Variants in ELF3 observed in about 807,000 individuals in gnomAD.
The protein encoded by ELF3 is E74 like ETS transcription factor 3.
Under a neutral mutation model 43.9 loss-of-function variants are expected in ELF3, and 18 were observed. The ratio of observed to expected loss-of-function variants is 0.41; its 90% CI spans 0.28 to 0.61. ELF3 has a LOEUF of 0.61. ELF3 is among the 20% of genes least tolerant of loss of function. ELF3 has a pLI of 0.30. For missense variants in ELF3, 373 were observed against 487.7 expected (o/e 0.76, Z 2.21); for synonymous variants, 181 against 190.2 (o/e 0.95, Z 0.40).
At position 202,011,143 on chromosome 1, in the gene ELF3, G is replaced by A. The variant is rs1249931805; in HGVS notation, c.7G>A (p.Ala3Thr). 1 of 1,614,098 alleles carries A rather than the reference G, an allele frequency of 6.2e-7. No homozygotes were observed. Among genetic ancestry groups the A allele is most frequent in the Non-Finnish European group, 8.5e-7 (1 of 1,179,962 alleles). Residue 3 changes from alanine (A) to threonine (T), a missense_variant, in exon 2 of 9, where the codon GCA (alanine) becomes ACA (threonine). Around this residue, in one of 3 missense-constraint regions of ELF3, gnomAD observed 311 missense variants for 351.2 expected, o/e 0.89. Coordinates refer to ENST00000367284, the MANE Select transcript of ELF3 (RefSeq NM_004433.5). MAATCEISNIFSN... is the reference protein window; with the variant it reads MATTCEISNIFSN... ...CCTACCCACAGGTAGCCTCATGGCT[G>A]CAACCTGTGAGATTAGCAACATTTT...
rs763404366 is a variant in ELF3, at chr1:202,012,322, C to CCCTT, written c.386-9_386-6dup. 1.2e-4 allele frequency: 197 copies of CCCTT among 1,612,802 alleles called. 2 individuals carry two copies. In the African/African-American group the frequency reaches 1.4e-3, roughly 11 times the overall value. The stretch of plus-strand genomic sequence containing the variant: ...TGAGGGAGGGATTAGGGGAGTGTGA[C>CCCTT]CCTTCCTTCCTTCCTTGTCAGCTTC... On this transcript the variant is annotated intron_variant, in intron 3 of 8. Coordinates refer to ENST00000367284, the MANE Select transcript of ELF3 (RefSeq NM_004433.5). The surrounding 1 kb of genome is among the most constrained non-coding windows in gnomAD (Gnocchi z 4.2).
Position 202,010,936 on chromosome 1 carries a change from G to A in ELF3, c.-8-193G>A. 1.7e-6 allele frequency: 1 copy of A among 584,158 alleles called. No homozygotes were observed. Among genetic ancestry groups the A allele is most frequent in the East Asian group, 3.2e-5 (1 of 30,794 alleles). The allele number at this position is 584,158 out of a possible 1,614,324, so 36.2% of individuals were successfully genotyped here. A position where few individuals can be genotyped will look rare whatever the true frequency, so the allele number is the denominator to read the frequency against. On this transcript the variant is annotated intron_variant, in intron 1 of 8. Transcript: ENST00000367284. The surrounding 1 kb of genome is among the most constrained non-coding windows in gnomAD (Gnocchi z 4.3). Reference sequence around the variant, plus strand: ...GAGATCTGAGGAGGGAAGCCCAGCTGGAGGCTCCTGTGGTCCTGCCCTGGT... The same window carrying A: ...GAGATCTGAGGAGGGAAGCCCAGCTAGAGGCTCCTGTGGTCCTGCCCTGGT...
At position 202,010,855 on chromosome 1, in the gene ELF3, T is replaced by G. The variant is rs1244230696; in HGVS notation, c.-9+149T>G. 4 of 427,134 alleles carry G rather than the reference T, an allele frequency of 9.4e-6. No homozygotes were observed. The highest frequency in any genetic ancestry group is 4.3e-6 in the Non-Finnish European group (1 of 235,230). 26.5% of individuals were successfully genotyped at this position (427,134 alleles called of 1,614,324 possible). Reference sequence around the variant, plus strand: ...CTGAGGGTCAAAGAACAGAGAGAGATTGTCTCTGGGAAGGCAGAATGGCCA... The same window carrying G: ...CTGAGGGTCAAAGAACAGAGAGAGAGTGTCTCTGGGAAGGCAGAATGGCCA... On this transcript the variant is annotated intron_variant, in intron 1 of 8. Coordinates refer to ENST00000367284, the MANE Select transcript of ELF3 (RefSeq NM_004433.5). This position sits in a 1 kb window ranked among gnomAD's most constrained non-coding sequence, Gnocchi z 4.3.
rs1000111564 is a variant in ELF3 at position 202,016,069 on chromosome 1, G to A, written c.*746G>A. The A allele has an allele frequency of 1.3e-5, 2 of 152,356 alleles. No individual in the cohort carries two copies. The highest frequency in any genetic ancestry group is 4.8e-5 in the African/African-American group (2 of 41,444). The allele number at this position is 152,356 out of a possible 1,614,324, so 9.4% of individuals were successfully genotyped here. A position where few individuals can be genotyped will look rare whatever the true frequency, so the allele number is the denominator to read the frequency against. On this transcript the variant is annotated 3_prime_UTR_variant, in exon 9 of 9. Coordinates refer to ENST00000367284, the MANE Select transcript of ELF3 (RefSeq NM_004433.5). ...TTGGATCGAATATGGTCAAGAGGTTGGAGGGGAGGAAAATGAAGGTCTACC... is the reference window on the plus strand; with the variant it reads ...TTGGATCGAATATGGTCAAGAGGTTAGAGGGGAGGAAAATGAAGGTCTACC...
rs1684226450 is a variant in ELF3, at chr1:202,012,517, C to A, written c.478+81C>A. 1.9e-6 allele frequency: 3 copies of A among 1,563,850 alleles called. No individual in the cohort carries two copies. In the Admixed American group the frequency reaches 5.8e-5, roughly 30 times the overall value. ...TCCACAGAGTGCTAGAGATGACCCCCTCCCCAGACTTCTTCCTCCCTCAAT... is the reference window on the plus strand; with the variant it reads ...TCCACAGAGTGCTAGAGATGACCCCATCCCCAGACTTCTTCCTCCCTCAAT... On this transcript the variant is annotated intron_variant, in intron 4 of 8. Coordinates refer to ENST00000367284, the MANE Select transcript of ELF3 (RefSeq NM_004433.5). This position sits in a 1 kb window ranked among gnomAD's most constrained non-coding sequence, Gnocchi z 4.2.
In ELF3 at chr1:202,015,421, AT is replaced by A; in HGVS notation, c.*99del. On this transcript the variant is annotated 3_prime_UTR_variant, in exon 9 of 9. Transcript: ENST00000367284. Reference sequence around the variant, plus strand: ...GGCCAGATGGCCCCTCCACTGGGGAATGCTCCCAGCTGTGCTGTGGAGAGAA... The same window carrying A: ...GGCCAGATGGCCCCTCCACTGGGGAAGCTCCCAGCTGTGCTGTGGAGAGAA... The A allele has an allele frequency of 8.7e-7, 1 of 1,153,520 alleles. No individual in the cohort carries two copies. The highest frequency in any genetic ancestry group is 1.3e-6 in the Non-Finnish European group (1 of 790,038). The allele number at this position is 1,153,520 out of a possible 1,614,324, so 71.5% of individuals were successfully genotyped here.
At chr1:202,011,010 G>A in intron 1 of ELF3, 119 bp from the exon 2 acceptor site, 1 of 1,142,986 alleles carries the variant, frequency 8.7e-7, no homozygotes, top group Non-Finnish European at 1.3e-6. Context: ...CAGAGTTGCT[G>A]ATCTTCCTGC....
chr1:202,011,320 A>T (rs745597583), intron 2 of ELF3, 21 bp downstream of exon 2: 1 of 1,539,552 alleles, frequency 6.5e-7, no homozygotes, highest in Non-Finnish European at 8.8e-7. Context: ...GCGGGGTGGG[A>T]TGGGGCACGG....
In ELF3 at chr1:202,011,610, G is replaced by A. The variant is rs929516268; in HGVS notation, c.163+311G>A. 14 of 459,196 alleles carry A rather than the reference G, an allele frequency of 3.0e-5. No individual in the cohort carries two copies. In the Admixed American group the frequency reaches 3.6e-4, roughly 12 times the overall value. The allele number at this position is 459,196 out of a possible 1,614,324, so 28.4% of individuals were successfully genotyped here. A position where few individuals can be genotyped will look rare whatever the true frequency, so the allele number is the denominator to read the frequency against. On this transcript the variant is annotated intron_variant, in intron 2 of 8. Coordinates refer to ENST00000367284, the MANE Select transcript of ELF3 (RefSeq NM_004433.5). ...GTGTGGGCTGGGAGTGGTGGCTCACGCCTGTAATCCCAGCACTTTGGGAGG... is the reference window on the plus strand; with the variant it reads ...GTGTGGGCTGGGAGTGGTGGCTCACACCTGTAATCCCAGCACTTTGGGAGG...
chr1:202,015,125 G>C (rs1684285954), intron 8 of ELF3, 84 bp from the exon 9 acceptor site: 1 of 1,402,374 alleles, frequency 7.1e-7, no homozygotes, highest in Non-Finnish European at 1.0e-6. Context: ...GTTACCTGGG[G>C]GTAACGCGGG....
At position 202,010,980 on chromosome 1, in the gene ELF3, T is replaced by C; in HGVS notation, c.-8-149T>C. 1 of 799,890 alleles carries C rather than the reference T, an allele frequency of 1.3e-6. No homozygotes were observed. Among genetic ancestry groups the C allele is most frequent in the Non-Finnish European group, 1.9e-6 (1 of 515,404 alleles). The allele number at this position is 799,890 out of a possible 1,614,324, so 49.5% of individuals were successfully genotyped here. On this transcript the variant is annotated intron_variant, in intron 1 of 8. Transcript: ENST00000367284. This position sits in a 1 kb window ranked among gnomAD's most constrained non-coding sequence, Gnocchi z 4.3. ...CCCTGGTCTGAGATCTTGGAGCCCT[T>C]CTTGAAGAGACGGTGTCCGCAGAGT...
At position 202,011,121 on chromosome 1, in the gene ELF3, A is replaced by G. The variant is rs1422842350; in HGVS notation, c.-8-8A>G. 2 of 1,613,580 alleles carry G rather than the reference A, an allele frequency of 1.2e-6. No homozygotes were observed. Among genetic ancestry groups the G allele is most frequent in the African/African-American group, 2.7e-5 (2 of 74,898 alleles). On this transcript the variant is annotated splice_region_variant and splice_polypyrimidine_tract_variant and intron_variant, in intron 1 of 8. Coordinates refer to ENST00000367284, the MANE Select transcript of ELF3 (RefSeq NM_004433.5). The stretch of plus-strand genomic sequence containing the variant: ...CACCAACCTCATCCTCTCTCCCCCT[A>G]CCCACAGGTAGCCTCATGGCTGCAA...
rs1439816233 is a variant in ELF3 at position 202,015,652 on chromosome 1, C to G, written c.*329C>G. Reference sequence around the variant, plus strand: ...CACCTTCCTCCTGCAGACACCTGGACTGAGCCAAGGAGGCCTGGGGAGGCC... The same window carrying G: ...CACCTTCCTCCTGCAGACACCTGGAGTGAGCCAAGGAGGCCTGGGGAGGCC... On this transcript the variant is annotated 3_prime_UTR_variant, in exon 9 of 9. Transcript: ENST00000367284. The G allele has an allele frequency of 1.3e-5, 4 of 319,574 alleles. No individual in the cohort carries two copies. Among genetic ancestry groups the G allele is most frequent in the Non-Finnish European group, 2.4e-5 (4 of 164,598 alleles). 19.8% of individuals were successfully genotyped at this position (319,574 alleles called of 1,614,324 possible).
In ELF3 at chr1:202,012,224, G is replaced by GTC. The variant is rs748171418; in HGVS notation, c.385+46_385+47insTC. On this transcript the variant is annotated intron_variant, in intron 3 of 8. Coordinates refer to ENST00000367284, the MANE Select transcript of ELF3 (RefSeq NM_004433.5). This position sits in a 1 kb window ranked among gnomAD's most constrained non-coding sequence, Gnocchi z 4.2. The stretch of plus-strand genomic sequence containing the variant: ...GCTGGGGAGCAGCTCCACATGTTGA[G>GTC]CTGAGTCGAGTTCAGTGTGGCCGTA... 6.2e-7 allele frequency: 1 copy of GTC among 1,607,868 alleles called. No homozygotes were observed. The highest frequency in any genetic ancestry group is 1.1e-5 in the South Asian group (1 of 90,604).
intron 2 of ELF3, chr1:202,011,564 G>T: frequency 2.0e-6 from 1 of 497,084 alleles, no homozygotes; most frequent in Non-Finnish European, 3.5e-6. Context: ...TGAATCCCCA[G>T]TGTGCTCCAG....
rs750329636 is a variant in ELF3, at chr1:202,012,074, G to A, written c.281G>A (p.Arg94Gln). The A allele has an allele frequency of 5.6e-6, 9 of 1,614,096 alleles. No individual in the cohort carries two copies. The African/African-American group carries it at 8.0e-5, about 14-fold the overall frequency. ...KYDASAIDFS[R>Q]CDMDGATLCN... Reference sequence around the variant, plus strand: ...GACGCAAGCGCCATTGACTTCTCACGATGTGACATGGATGGCGCCACCCTC... The same window carrying A: ...GACGCAAGCGCCATTGACTTCTCACAATGTGACATGGATGGCGCCACCCTC... Residue 94 changes from arginine to glutamine, a missense_variant, in exon 3 of 9, where the codon CGA becomes CAA. By Grantham distance (43) the Arg-to-Gln change is conservative. Transcript: ENST00000367284. The surrounding 1 kb of genome is among the most constrained non-coding windows in gnomAD (Gnocchi z 4.2).
rs1684315036 is a variant in ELF3 at position 202,016,665 on chromosome 1, AG to A, written c.*1344del. The stretch of plus-strand genomic sequence containing the variant: ...ACTTTAGATTTAGGAGGTCGTGCGC[AG>A]GTTTGTTACATGGGTATATTGTGTG... On this transcript the variant is annotated 3_prime_UTR_variant, in exon 9 of 9. Transcript: ENST00000367284. 6.6e-6 allele frequency: 1 copy of A among 151,686 alleles called. No homozygotes were observed. The highest frequency in any genetic ancestry group is 1.5e-5 in the Non-Finnish European group (1 of 67,954). The allele number at this position is 151,686 out of a possible 1,614,324, so 9.4% of individuals were successfully genotyped here. A position where few individuals can be genotyped will look rare whatever the true frequency, so the allele number is the denominator to read the frequency against.
rs2102994922 is a variant in ELF3 at position 202,015,212 on chromosome 1, C to T, written c.1005C>T (p.Tyr335=). The T allele has an allele frequency of 6.2e-7, 1 of 1,614,080 alleles. No homozygotes were observed. Among genetic ancestry groups the T allele is most frequent in the Admixed American group, 1.7e-5 (1 of 60,024 alleles). Residue 335 remains tyrosine (Y), a synonymous_variant, in exon 9 of 9, where the codon TAC becomes TAT. Coordinates refer to ENST00000367284, the MANE Select transcript of ELF3 (RefSeq NM_004433.5). The part of the protein sequence containing the change: ...TYEKLSRAMR[Y]YYKREILERV... ...GACCATCCTTCTCTTCACCCAGGTA[C>T]TACTACAAACGGGAGATCCTGGAAC...
At position 202,015,569 on chromosome 1, in the gene ELF3, G is replaced by A; in HGVS notation, c.*246G>A. The A allele has an allele frequency of 2.0e-6, 1 of 510,616 alleles. No individual in the cohort carries two copies. Among genetic ancestry groups the A allele is most frequent in the Non-Finnish European group, 3.6e-6 (1 of 280,760 alleles). The allele number at this position is 510,616 out of a possible 1,614,324, so 31.6% of individuals were successfully genotyped here. On this transcript the variant is annotated 3_prime_UTR_variant, in exon 9 of 9. Transcript: ENST00000367284. Reference sequence around the variant, plus strand: ...TGAAGCTGACTTTATAGCTGCAAGTGTATCTCCTTTTATCTGGTGCCTCCT... The same window carrying A: ...TGAAGCTGACTTTATAGCTGCAAGTATATCTCCTTTTATCTGGTGCCTCCT...
Sources: allele counts gnomAD v4.1 joint callset, GRCh38; gene constraint gnomAD v4.1.1; regional missense constraint gnomAD v4.1.1; non-coding constraint Gnocchi (gnomAD v3.1); transcripts MANE v1.5; gene names NCBI Gene and HGNC (gene_info 2026-07-23, HGNC 2026-07-21).